Variants in PDZRN4 observed in about 807,000 individuals in gnomAD.
The protein encoded by PDZRN4 is PDZ domain-containing RING finger protein 4.
A neutral mutation model predicts 99.0 loss-of-function variants in PDZRN4; 70 were observed. The observed-to-expected ratio is 0.71, with a 90% confidence interval of 0.58 to 0.86. The LOEUF (loss-of-function observed/expected upper bound fraction) is 0.86. Among genes scored for constraint, PDZRN4 ranks in the 40% least tolerant of loss-of-function variants. The pLI is 0.00. For missense variants in PDZRN4, 1,474 were observed against 1,331.2 expected (o/e 1.11, Z -1.67); for synonymous variants, 551 against 501.6 (o/e 1.10, Z -1.32).
At chr12:41,377,245 TC>T in intron 3 of PDZRN4, among the ~76,000 whole-genome samples, 1 of 152,306 alleles carries the variant, frequency 6.6e-6, no homozygotes, top group South Asian at 2.1e-4. Context: ...GGATTTTTTT[TC>T]CATTTCTGTG....
chr12:41,471,630 T>G (rs1053369670), intron 3 of PDZRN4, among the ~76,000 whole-genome samples: 1 of 150,810 alleles, frequency 6.6e-6, no homozygotes, highest in Admixed American at 6.6e-5. Context: ...GTGATGATTT[T>G]TATACAGAAA....
At chr12:41,479,079 A>C (rs1363135675) in intron 3 of PDZRN4, among the ~76,000 whole-genome samples, 1 of 152,220 alleles carries the variant, frequency 6.6e-6, no homozygotes, top group Non-Finnish European at 1.5e-5. Flanking sequence ...AAATCCATCC[A>C]AATACTCAAT....
intron 7 of PDZRN4, among the ~76,000 whole-genome samples, chr12:41,560,386 A>G (rs1474926595): frequency 6.6e-6 from 1 of 152,126 alleles, no homozygotes; most frequent in Non-Finnish European, 1.5e-5. Context: ...TCATACACAC[A>G]TACAGGAGAT....
intron 3 of PDZRN4, among the ~76,000 whole-genome samples, chr12:41,197,258 A>G (rs540822145): frequency 6.6e-6 from 1 of 152,236 alleles, no homozygotes; most frequent in East Asian, 1.9e-4. Context: ...AAAAGATTTT[A>G]TAAACTCTAA....
intron 3 of PDZRN4, among the ~76,000 whole-genome samples, chr12:41,481,533 T>C (rs1171645016): frequency 1.3e-5 from 2 of 152,086 alleles, no homozygotes; most frequent in African/African-American, 4.8e-5. Flanking sequence ...ATACCAAAAG[T>C]CTTCCTTTTT....
Position 41,384,008 on chromosome 12 carries a change from T to C in PDZRN4, c.844-122448T>C. The stretch of plus-strand genomic sequence containing the variant: ...TTTTTTTTTTTTTTTTTTTTTTTTT[T>C]TTTTTTTTTTTTGAGACGGAATCTC... On this transcript the variant is annotated intron_variant, in intron 3 of 9. Transcript: ENST00000402685. Among the ~76,000 whole-genome samples the C allele has an allele frequency of 3.8e-5, 2 of 52,236 alleles. 1 individual carries two copies. The highest frequency in any genetic ancestry group is 1.4e-3 in the East Asian group (2 of 1,442). The allele number at this position is 52,236 out of a possible 152,430, so 34.3% of individuals were successfully genotyped here.
Position 41,471,648 on chromosome 12 carries a change from A to G in PDZRN4, c.844-34808A>G, listed in dbSNP as rs112171835. On this transcript the variant is annotated intron_variant, in intron 3 of 9. Coordinates refer to ENST00000402685, the MANE Select transcript of PDZRN4 (RefSeq NM_001164595.2). ...ATGATTTTTATACAGAAACTCAGAG[A>G]TAGTTGTATGAATAAATGAATGCAC... Among the ~76,000 whole-genome samples, 996 of 150,982 alleles carry G rather than the reference A, an allele frequency of 6.6e-3. 13 individuals are homozygous for G. The highest frequency in any genetic ancestry group is 0.022 in the African/African-American group (919 of 41,330).
chr12:41,188,778 C>A lies in PDZRN4; in HGVS notation c.323C>A (p.Pro108His), dbSNP rs1197239107. The A allele has an allele frequency of 7.2e-7, 1 of 1,389,566 alleles. No individual in the cohort carries two copies. Among genetic ancestry groups the A allele is most frequent in the Non-Finnish European group, 9.3e-7 (1 of 1,079,726 alleles). 86.1% of individuals were successfully genotyped at this position (1,389,566 alleles called of 1,614,324 possible). The part of the protein sequence containing the change: ...EAHVEHCDFG[P>H]ARRLRSRGGC... ...CACGTCGAGCACTGCGACTTCGGCC[C>A]TGCCCGCCGGCTCCGCAGCCGCGGG... Residue 108 changes from proline to histidine, a missense_variant, in exon 1 of 10, where the codon CCT becomes CAT. Pro to His is a moderately conservative substitution (Grantham distance 77, BLOSUM62 -2). Coordinates refer to ENST00000402685, the MANE Select transcript of PDZRN4 (RefSeq NM_001164595.2).
chr12:41,352,847 A>T (rs1016188415), intron 3 of PDZRN4, among the ~76,000 whole-genome samples: 1 of 152,154 alleles, frequency 6.6e-6, no homozygotes, highest in Non-Finnish European at 1.5e-5. Flanking sequence ...GATGGTTGCA[A>T]TCTGAGGATA....
At chr12:41,485,352 T>C (rs1463540439) in intron 3 of PDZRN4, among the ~76,000 whole-genome samples, 1 of 152,154 alleles carries the variant, frequency 6.6e-6, no homozygotes, top group African/African-American at 2.4e-5. Context: ...CTGAGATGAC[T>C]AGAATTTAGA....
intron 3 of PDZRN4, among the ~76,000 whole-genome samples, chr12:41,288,779 G>C (rs1180316650): frequency 6.6e-6 from 1 of 152,078 alleles, no homozygotes; most frequent in South Asian, 2.1e-4. Context: ...AGCCTCATTA[G>C]TAGCGAATTT....
chr12:41,322,406 T>C (rs1210346866), intron 3 of PDZRN4, among the ~76,000 whole-genome samples: 1 of 151,786 alleles, frequency 6.6e-6, no homozygotes, highest in Non-Finnish European at 1.5e-5. Context: ...CTCCAAACTG[T>C]ATAGCTAGAT....
At chr12:41,318,826 G>A (rs1951656061) in intron 3 of PDZRN4, among the ~76,000 whole-genome samples, 1 of 152,042 alleles carries the variant, frequency 6.6e-6, no homozygotes, top group African/African-American at 2.4e-5. Flanking sequence ...ACTTACAACT[G>A]TTTGATGATG....
intron 3 of PDZRN4, among the ~76,000 whole-genome samples, chr12:41,347,594 G>T (rs1285190390): frequency 6.6e-6 from 1 of 151,974 alleles, no homozygotes; most frequent in African/African-American, 2.4e-5. Flanking sequence ...TATTCTATGG[G>T]TTGCATTTTC....
At chr12:41,347,155 G>A (rs1270880695) in intron 3 of PDZRN4, among the ~76,000 whole-genome samples, 2 of 152,038 alleles carry the variant, frequency 1.3e-5, no homozygotes, top group African/African-American at 2.4e-5. Context: ...TTTTCCTTGG[G>A]TATATACCTA....
At chr12:41,287,124 T>C (rs1023430021) in intron 3 of PDZRN4, among the ~76,000 whole-genome samples, 2 of 152,140 alleles carry the variant, frequency 1.3e-5, no homozygotes, top group Admixed American at 6.6e-5. Context: ...TTTAAATCAT[T>C]CAAAAATCTT....
At chr12:41,571,247 T>C (rs1422077754) in intron 9 of PDZRN4, among the ~76,000 whole-genome samples, 1 of 151,964 alleles carries the variant, frequency 6.6e-6, no homozygotes, top group Admixed American at 6.6e-5. Context: ...AAAGTAACTT[T>C]ACCATATTCA....
intron 3 of PDZRN4, among the ~76,000 whole-genome samples, chr12:41,429,814 C>T (rs970907584): frequency 2.2e-4 from 30 of 133,638 alleles, no homozygotes; most frequent in South Asian, 1.1e-3. Flanking sequence ...AAAATGTCTA[C>T]GTATTATCAC....
chr12:41,249,843 G>A (rs1476603586), intron 3 of PDZRN4, among the ~76,000 whole-genome samples: 1 of 152,172 alleles, frequency 6.6e-6, no homozygotes, highest in East Asian at 1.9e-4. Context: ...GCATTCATAG[G>A]TATAGAGTTT....
Sources: gnomAD v4.1 joint callset for allele counts (sites outside exome capture counted in the v4.1 genomes callset) on GRCh38, gnomAD v4.1.1 for gene constraint, MANE v1.5 for transcripts, NCBI Gene and HGNC (gene_info 2026-07-23, HGNC 2026-07-21) for gene names.